Variants in LMTK2 observed in about 807,000 individuals in gnomAD.
LMTK2 encodes lemur tail kinase 2, also known as serine/threonine-protein kinase LMTK2.
LMTK2 carries 37 observed loss-of-function variants against 127.5 expected under a neutral mutation model. The ratio of observed to expected loss-of-function variants is 0.29; its 90% confidence interval spans 0.22 to 0.38. LMTK2 has a LOEUF of 0.38. Among genes scored for constraint, LMTK2 ranks in the 10% least tolerant of loss-of-function variants. The pLI is 1.00. For synonymous variants in LMTK2, 819 were observed against 810.1 expected, an observed-to-expected ratio of 1.01 and a Z score of -0.19; for missense variants, 1,694 against 1,920.3, an observed-to-expected ratio of 0.88 and a Z score of 2.20.
intron 1 of LMTK2, among the ~76,000 whole-genome samples, chr7:98,129,047 CTTAT>C (rs1378188590): frequency 1.3e-5 from 2 of 151,998 alleles, no homozygotes; most frequent in Non-Finnish European, 2.9e-5. Context: ...CTCTTATAAT[CTTAT>C]TTGTTTGACC....
intron 11 of LMTK2, among the ~76,000 whole-genome samples, chr7:98,202,045 T>C (rs1010328869): frequency 1.3e-4 from 20 of 152,232 alleles, no homozygotes; most frequent in Non-Finnish European, 1.3e-4. Flanking sequence ...GTCTCCTCTC[T>C]TCCTGGGACT....
chr7:98,141,131 A>C (rs1309792580), intron 2 of LMTK2, among the ~76,000 whole-genome samples: 1 of 152,074 alleles, frequency 6.6e-6, no homozygotes, highest in Non-Finnish European at 1.5e-5. Flanking sequence ...TTTTAAGCCT[A>C]GAAAACTATT....
intron 3 of LMTK2, among the ~76,000 whole-genome samples, chr7:98,144,747 T>TC (rs1796745627): frequency 1.1e-5 from 1 of 91,448 alleles, no homozygotes; most frequent in Admixed American, 9.5e-5. Context: ...ATAGTCCTCC[T>TC]TTTTTTTTTT....
chr7:98,157,279 AGG>A (rs1796939706), intron 5 of LMTK2, among the ~76,000 whole-genome samples: 1 of 151,614 alleles, frequency 6.6e-6, no homozygotes, highest in Non-Finnish European at 1.5e-5. Context: ...GTAGGTAGGT[AGG>A]TAGGTAGGTA....
chr7:98,162,190 CCTTTTTGGGACTAGTAA>C lies in LMTK2; in HGVS notation c.657+2766_657+2782del, dbSNP rs1023029021. 1.1e-4 allele frequency among the ~76,000 whole-genome samples: 16 copies of C among 152,202 alleles called. No homozygotes were observed. The South Asian group carries it at 2.5e-3, about 24-fold the overall frequency. ...TTAATGTATTTTTTATAGCAGCTGT[CCTTTTTGGGACTAGTAA>C]TTTAACCAGTTTTATAAAGAAACAC... is the stretch of plus-strand genomic sequence containing the variant. On this transcript the variant is annotated intron_variant, in intron 6 of 13. Coordinates refer to ENST00000297293, the MANE Select transcript of LMTK2 (RefSeq NM_014916.4).
rs202096792 is a variant in LMTK2 at position 98,170,533 on chromosome 7, C to CT, written c.658-996dup. Among the ~76,000 whole-genome samples the CT allele has an allele frequency of 9.2e-3, 1,307 of 142,474 alleles. 18 individuals are homozygous for CT. Among genetic ancestry groups the CT allele is most frequent in the African/African-American group, 0.029 (1,137 of 39,250 alleles). 93.5% of individuals were successfully genotyped at this position (142,474 alleles called of 152,430 possible). On this transcript the variant is annotated intron_variant, in intron 6 of 13. Transcript: ENST00000297293. The stretch of plus-strand genomic sequence containing the variant: ...AAGGAAAATGCCCTTCCTCAGGAGT[C>CT]TTTTTTTTTTTTCTTTTTTTTCCCG...
intron 1 of LMTK2, among the ~76,000 whole-genome samples, chr7:98,124,152 G>A (rs1455073168): frequency 6.6e-6 from 1 of 152,112 alleles, no homozygotes; most frequent in African/African-American, 2.4e-5. Flanking sequence ...TCAGAGCAGG[G>A]AGTTAATAAA....
chr7:98,122,635 C>A (rs1796378828), intron 1 of LMTK2, among the ~76,000 whole-genome samples: 1 of 151,526 alleles, frequency 6.6e-6, no homozygotes, highest in Non-Finnish European at 1.5e-5. Flanking sequence ...CCCTTGCTGT[C>A]AGCTTATATA....
Position 98,193,016 on chromosome 7 carries a change from G to C in LMTK2, c.2551G>C (p.Glu851Gln), listed in dbSNP as rs907911760. The C allele has an allele frequency of 6.2e-7, 1 of 1,614,030 alleles. No homozygotes were observed. The change falls in exon 11 of 14, where the codon GAG (glutamate) becomes CAG (glutamine). Residue 851 changes from glutamate to glutamine, a missense_variant. Physicochemically the swap from Glu to Gln is conservative, Grantham distance 29. This residue lies in a region of LMTK2 where 527 missense variants were observed against 539.8 expected (regional missense o/e 0.98). Coordinates refer to ENST00000297293, the MANE Select transcript of LMTK2 (RefSeq NM_014916.4). This position sits in a 1 kb window ranked among gnomAD's most constrained non-coding sequence, Gnocchi z 4.1. Reference protein sequence around the residue: ...QPTCLDVIVPEDCLHQDISPD... With the variant: ...QPTCLDVIVPQDCLHQDISPD... ...CACGTGTTTAGATGTTATTGTCCCG[G>C]AGGACTGTCTCCACCAGGACATCAG...
At chr7:98,112,703 G>A (rs144713305) in intron 1 of LMTK2, among the ~76,000 whole-genome samples, 9 of 152,280 alleles carry the variant, frequency 5.9e-5, no homozygotes, top group East Asian at 1.9e-4. Context: ...CTGATTCTTC[G>A]TGAACTCCCA....
chr7:98,142,944 T>TTC (rs959454447), intron 3 of LMTK2, among the ~76,000 whole-genome samples: 1 of 152,208 alleles, frequency 6.6e-6, no homozygotes, highest in Non-Finnish European at 1.5e-5. Flanking sequence ...AGGAGCTTCT[T>TTC]TCTCTCTCTC....
At position 98,205,158 on chromosome 7, in the gene LMTK2, G is replaced by C. The variant is rs989832996; in HGVS notation, c.4484-306G>C. ...GAGGCTTTATTTCCCTCGGCGCTAG[G>C]CTTCATTTGTGCCGATTAGATAACA... is the stretch of plus-strand genomic sequence containing the variant. On this transcript the variant is annotated intron_variant, in intron 13 of 13. Coordinates refer to ENST00000297293, the MANE Select transcript of LMTK2 (RefSeq NM_014916.4). 1.3e-5 allele frequency among the ~76,000 whole-genome samples: 2 copies of C among 152,212 alleles called. 1 individual carries two copies.
intron 11 of LMTK2, 33 bp from the exon 12 acceptor site, chr7:98,203,541 T>C (rs1797740250): frequency 6.4e-7 from 1 of 1,569,848 alleles, no homozygotes; most frequent in African/African-American, 1.4e-5. Flanking sequence ...TGAGCAGGCC[T>C]TTGCTGACAG....
intron 6 of LMTK2, among the ~76,000 whole-genome samples, chr7:98,169,516 A>G (rs1425691288): frequency 6.6e-6 from 1 of 152,152 alleles, no homozygotes; most frequent in Non-Finnish European, 1.5e-5. Flanking sequence ...GCCCAGCAAA[A>G]CCATGTTTTC....
At position 98,112,474 on chromosome 7, in the gene LMTK2, G is replaced by T. The variant is rs368477735; in HGVS notation, c.103+5194G>T. On this transcript the variant is annotated intron_variant, in intron 1 of 13. Coordinates refer to ENST00000297293, the MANE Select transcript of LMTK2 (RefSeq NM_014916.4). ...TCCCTGTGGATGCTTAAATGTAAAC[G>T]TTTTAGAACGAAAGCTTCAGTTCTT... is the stretch of plus-strand genomic sequence containing the variant. Among the ~76,000 whole-genome samples the T allele has an allele frequency of 5.9e-5, 9 of 152,334 alleles. No homozygotes were observed. The East Asian group carries it at 7.7e-4, about 13-fold the overall frequency.
chr7:98,155,004 C>T, intron 5 of LMTK2, 128 bp downstream of exon 5: 1 of 612,310 alleles, frequency 1.6e-6, no homozygotes, highest in Non-Finnish European at 2.9e-6. Flanking sequence ...TCTCATAAGA[C>T]CTAAAATGTC....
chr7:98,203,924 GTTTTA>G lies in LMTK2; in HGVS notation c.4241-15_4241-11del, dbSNP rs1183284478. The G allele has an allele frequency of 6.2e-7, 1 of 1,612,016 alleles. No homozygotes were observed. Among genetic ancestry groups the G allele is most frequent in the Non-Finnish European group, 8.5e-7 (1 of 1,179,540 alleles). ...ATCACGCAGTGATAAAAAGGGTGGGGTTTTATTTTTTATTTCTAGGTGGTGGCTTT... is the reference window on the plus strand; with the variant it reads ...ATCACGCAGTGATAAAAAGGGTGGGGTTTTTTATTTCTAGGTGGTGGCTTT... On this transcript the variant is annotated splice_polypyrimidine_tract_variant and intron_variant, in intron 12 of 13. Coordinates refer to ENST00000297293, the MANE Select transcript of LMTK2 (RefSeq NM_014916.4).
intron 1 of LMTK2, among the ~76,000 whole-genome samples, chr7:98,120,782 A>C (rs961156798): frequency 6.6e-6 from 1 of 152,128 alleles, no homozygotes; most frequent in Non-Finnish European, 1.5e-5. Flanking sequence ...CTCTTACCTC[A>C]GACTGTTATT....
chr7:98,113,020 T>G (rs958733828), intron 1 of LMTK2, among the ~76,000 whole-genome samples: 3 of 152,032 alleles, frequency 2.0e-5, no homozygotes, highest in Non-Finnish European at 4.4e-5. Context: ...TACCTGTAGG[T>G]GTGTGACTAC....
Sources: allele counts gnomAD v4.1 joint callset (sites outside exome capture counted in the v4.1 genomes callset), GRCh38; gene constraint gnomAD v4.1.1; regional missense constraint gnomAD v4.1.1; non-coding constraint Gnocchi (gnomAD v3.1); transcripts MANE v1.5; gene names NCBI Gene and HGNC (gene_info 2026-07-23, HGNC 2026-07-21).